Variants in EYS observed in about 807,000 individuals in gnomAD.
EYS encodes protein eyes shut homolog.
A neutral mutation model predicts 282.1 loss-of-function variants in EYS; 250 were observed. The ratio of observed to expected loss-of-function variants is 0.89; its 90% CI spans 0.80 to 0.98. The LOEUF is 0.98. Ranked by LOEUF, EYS falls within the 50% of genes least tolerant of loss-of-function variation. EYS has a pLI of 0.00. For missense variants in EYS, 4,016 were observed against 3,709.0 expected (o/e 1.08, Z -2.15); for synonymous variants, 1,355 against 1,282.9 (o/e 1.06, Z -1.20).
At chr6:65,400,652 C>T (rs1766458381) in intron 7 of EYS, among the ~76,000 whole-genome samples, 1 of 151,852 alleles carries the variant, frequency 6.6e-6, no homozygotes, top group Admixed American at 6.6e-5. Context: ...TAAAAATTTC[C>T]ATAACCAATG....
At chr6:65,356,564 A>G (rs1229303964) in intron 8 of EYS, among the ~76,000 whole-genome samples, 5 of 152,038 alleles carry the variant, frequency 3.3e-5, no homozygotes, top group Non-Finnish European at 7.4e-5. Context: ...TTAATGAAAA[A>G]AACAAAGTCA....
intron 14 of EYS, among the ~76,000 whole-genome samples, chr6:64,991,654 T>C (rs919722650): frequency 6.6e-6 from 1 of 151,594 alleles, no homozygotes; most frequent in Non-Finnish European, 1.5e-5. Flanking sequence ...GAAAACCATA[T>C]ATTATTATCT....
intron 35 of EYS, among the ~76,000 whole-genome samples, chr6:63,867,602 T>C (rs975179550): frequency 2.6e-5 from 4 of 152,148 alleles, no homozygotes; most frequent in African/African-American, 9.6e-5. Context: ...GGAGACATCA[T>C]AAAGGCACGA....
At chr6:65,249,659 A>C (rs1455901123) in intron 12 of EYS, among the ~76,000 whole-genome samples, 1 of 152,060 alleles carries the variant, frequency 6.6e-6, no homozygotes, top group Non-Finnish European at 1.5e-5. Flanking sequence ...ATTGTTGGAA[A>C]TTTACAAAGC....
intron 11 of EYS, among the ~76,000 whole-genome samples, chr6:65,305,557 G>A (rs933226460): frequency 9.2e-5 from 14 of 152,148 alleles, no homozygotes; most frequent in African/African-American, 2.7e-4. Flanking sequence ...TGCTTCTGCT[G>A]CTCTGTTGGC....
chr6:65,357,945 T>G (rs908515789), intron 8 of EYS, among the ~76,000 whole-genome samples: 2 of 152,102 alleles, frequency 1.3e-5, no homozygotes, highest in South Asian at 2.1e-4. Context: ...GGTGTCTTTG[T>G]GGAATTCAGT....
At chr6:64,693,782 A>C (rs1367681218) in intron 22 of EYS, among the ~76,000 whole-genome samples, 1 of 152,186 alleles carries the variant, frequency 6.6e-6, no homozygotes, top group Non-Finnish European at 1.5e-5. Context: ...CTTTATAAAA[A>C]TTAAGATACT....
At chr6:65,667,802 G>A (rs2149830394) in intron 1 of EYS, among the ~76,000 whole-genome samples, 1 of 151,860 alleles carries the variant, frequency 6.6e-6, no homozygotes, top group South Asian at 2.1e-4. Flanking sequence ...ACATATTTGT[G>A]TAAGCAATGA....
chr6:64,032,170 G>A (rs868665642), intron 33 of EYS, among the ~76,000 whole-genome samples: 6 of 152,044 alleles, frequency 3.9e-5, no homozygotes, highest in Middle Eastern at 6.8e-3. Context: ...CTGAGGCGGC[G>A]AGACCACGAA....
chr6:65,416,196 G>C (rs1436744096), intron 5 of EYS, among the ~76,000 whole-genome samples: 1 of 151,876 alleles, frequency 6.6e-6, no homozygotes, highest in Non-Finnish European at 1.5e-5. Context: ...TGAAAAATGA[G>C]ACAGGGTTAT....
chr6:65,153,511 C>T (rs1311083976), intron 12 of EYS, among the ~76,000 whole-genome samples: 1 of 147,904 alleles, frequency 6.8e-6, no homozygotes, highest in Non-Finnish European at 1.5e-5. Flanking sequence ...AATATTTTAG[C>T]TGGGTACTTA....
chr6:65,107,031 G>A (rs1480133537), intron 12 of EYS, among the ~76,000 whole-genome samples: 2 of 151,950 alleles, frequency 1.3e-5, no homozygotes, highest in Non-Finnish European at 2.9e-5. Context: ...TCAACATAGA[G>A]TGATGTGGTG....
chr6:64,861,251 G>A (rs371689544), intron 19 of EYS, among the ~76,000 whole-genome samples: 23 of 152,312 alleles, frequency 1.5e-4, no homozygotes, highest in East Asian at 1.2e-3. Context: ...GGGCTGAGGC[G>A]GCAGGGGACT....
intron 7 of EYS, among the ~76,000 whole-genome samples, chr6:65,398,260 C>T (rs944337649): frequency 1.3e-5 from 2 of 151,838 alleles, no homozygotes; most frequent in Admixed American, 1.3e-4. Flanking sequence ...GTAACCAAAA[C>T]AGCATGGTAT....
chr6:65,254,179 GCT>G (rs1243067300), intron 12 of EYS, among the ~76,000 whole-genome samples: 1 of 151,732 alleles, frequency 6.6e-6, no homozygotes, highest in Non-Finnish European at 1.5e-5. Flanking sequence ...GTTGAGTATT[GCT>G]CTTTTATAAC....
At chr6:64,950,464 C>T (rs1320737790) in intron 14 of EYS, among the ~76,000 whole-genome samples, 1 of 150,580 alleles carries the variant, frequency 6.6e-6, no homozygotes, top group Non-Finnish European at 1.5e-5. Flanking sequence ...CAATTTTTTT[C>T]AAAAAAACAT....
intron 22 of EYS, among the ~76,000 whole-genome samples, chr6:64,706,805 C>A (rs1046774134): frequency 2.6e-5 from 4 of 151,634 alleles, no homozygotes; most frequent in South Asian, 2.1e-4. Context: ...TAAAAAAAAT[C>A]AAAAAATAAT....
chr6:64,275,228 G>C (rs1768070200), intron 30 of EYS, among the ~76,000 whole-genome samples: 1 of 152,180 alleles, frequency 6.6e-6, no homozygotes, highest in Non-Finnish European at 1.5e-5. Flanking sequence ...AAATAAGTTT[G>C]CGATTGGTGC....
chr6:63,869,332 G>T (rs1327081520), intron 35 of EYS, among the ~76,000 whole-genome samples: 1 of 151,872 alleles, frequency 6.6e-6, no homozygotes, highest in Admixed American at 6.6e-5. Context: ...TGGAATATAT[G>T]GTATAATCTC....
Sources: allele counts gnomAD v4.1 joint callset (sites outside exome capture counted in the v4.1 genomes callset), GRCh38; gene constraint gnomAD v4.1.1; transcripts MANE v1.5; gene names NCBI Gene and HGNC (gene_info 2026-07-23, HGNC 2026-07-21).